SORCS3: variants seen among roughly 807,000 people sequenced by gnomAD.
The protein encoded by SORCS3 is sortilin related VPS10 domain containing receptor 3, also known as VPS10 domain-containing receptor SorCS3.
SORCS3 carries 57 observed loss-of-function variants against 146.3 expected under a neutral mutation model. The ratio of observed to expected loss-of-function variants is 0.39; its 90% CI spans 0.31 to 0.49. The LOEUF (loss-of-function observed/expected upper bound fraction) is 0.49, where lower values mean the gene tolerates loss of function less well. Among genes scored for constraint, SORCS3 ranks in the 20% least tolerant of loss-of-function variants. SORCS3 has a pLI of 0.92. For missense variants in SORCS3, 1,341 were observed against 1,575.5 expected (o/e 0.85, Z 2.52); for synonymous variants, 653 against 618.5 (o/e 1.06, Z -0.83).
chr10:105,252,642 T>C lies in SORCS3; in HGVS notation c.3106-133T>C, dbSNP rs539055830. 2.5e-5 allele frequency: 26 copies of C among 1,055,654 alleles called. No homozygotes were observed. The African/African-American group carries it at 2.9e-4, about 12-fold the overall frequency. The allele number at this position is 1,055,654 out of a possible 1,614,324, so 65.4% of individuals were successfully genotyped here. On this transcript the variant is annotated intron_variant, in intron 22 of 26. Transcript: ENST00000369701. ...AACTGAAAGAAAGCCTGAATGTATA[T>C]TGGAGCCTGTGCCTAAAAAGCTGCA...
chr10:104,686,440 C>T (rs781261747), intron 1 of SORCS3, among the ~76,000 whole-genome samples: 2 of 152,094 alleles, frequency 1.3e-5, no homozygotes, highest in African/African-American at 4.8e-5. Flanking sequence ...CTGCACCAGC[C>T]TCCTGGATAA....
intron 20 of SORCS3, among the ~76,000 whole-genome samples, chr10:105,231,272 CT>C (rs2119690233): frequency 6.6e-6 from 1 of 152,330 alleles, no homozygotes; most frequent in African/African-American, 2.4e-5. Context: ...GGTCAGCCAT[CT>C]TTAAACTCCT....
At chr10:105,079,164 G>T (rs557125674) in intron 5 of SORCS3, among the ~76,000 whole-genome samples, 1 of 152,326 alleles carries the variant, frequency 6.6e-6, no homozygotes, top group African/African-American at 2.4e-5. Flanking sequence ...GTGGAGCCCA[G>T]CATCGGTGTT....
chr10:105,054,846 A>T (rs1296878064), intron 5 of SORCS3, among the ~76,000 whole-genome samples: 1 of 152,154 alleles, frequency 6.6e-6, no homozygotes, highest in Non-Finnish European at 1.5e-5. Context: ...TCTGCAAAAT[A>T]CAACCAAATA....
At chr10:104,717,439 C>A (rs947559213) in intron 1 of SORCS3, among the ~76,000 whole-genome samples, 3 of 152,132 alleles carry the variant, frequency 2.0e-5, no homozygotes, top group African/African-American at 7.2e-5. Flanking sequence ...TTCTTCCTTT[C>A]CAGTCCCGGA....
chr10:105,253,371 T>C (rs1300781763), intron 23 of SORCS3, among the ~76,000 whole-genome samples: 4 of 152,210 alleles, frequency 2.6e-5, no homozygotes, highest in African/African-American at 9.6e-5. Flanking sequence ...CCTTCAAACA[T>C]GATTTTTTGG....
At chr10:104,910,093 A>C (rs1299032335) in intron 2 of SORCS3, among the ~76,000 whole-genome samples, 1 of 152,140 alleles carries the variant, frequency 6.6e-6, no homozygotes, top group African/African-American at 2.4e-5. Flanking sequence ...GATGCCATAG[A>C]ATAGTCCCAA....
chr10:105,097,733 T>C (rs1364952258), intron 6 of SORCS3, among the ~76,000 whole-genome samples: 1 of 152,160 alleles, frequency 6.6e-6, no homozygotes, highest in African/African-American at 2.4e-5. Flanking sequence ...TTCAGTTCAA[T>C]GAACAAAGCA....
At chr10:105,073,839 A>G (rs1049573162) in intron 5 of SORCS3, among the ~76,000 whole-genome samples, 3 of 152,186 alleles carry the variant, frequency 2.0e-5, no homozygotes, top group Middle Eastern at 3.2e-3. Flanking sequence ...ACAGGGAACC[A>G]CAGACGTTTA....
At chr10:104,977,907 T>A (rs2054910496) in intron 4 of SORCS3, among the ~76,000 whole-genome samples, 1 of 151,910 alleles carries the variant, frequency 6.6e-6, no homozygotes, top group Non-Finnish European at 1.5e-5. Context: ...AATTTTTGTA[T>A]TTTTAGTAGA....
chr10:105,259,984 T>G (rs2056951597), intron 25 of SORCS3, among the ~76,000 whole-genome samples: 1 of 152,200 alleles, frequency 6.6e-6, no homozygotes. Flanking sequence ...GAGTTCAGAC[T>G]TATATTCTCA....
intron 2 of SORCS3, among the ~76,000 whole-genome samples, chr10:104,884,358 C>A (rs890726256): frequency 3.3e-5 from 5 of 152,198 alleles, no homozygotes; most frequent in Admixed American, 2.0e-4. Context: ...AAAGTAAGAT[C>A]TAACCACTGA....
intron 2 of SORCS3, among the ~76,000 whole-genome samples, chr10:104,873,159 A>G (rs1407757590): frequency 6.6e-6 from 1 of 152,232 alleles, no homozygotes; most frequent in Non-Finnish European, 1.5e-5. Context: ...TTGTTTTCAA[A>G]GCTGGCAGAA....
intron 1 of SORCS3, among the ~76,000 whole-genome samples, chr10:104,829,118 A>T (rs1374309895): frequency 6.6e-6 from 1 of 152,220 alleles, no homozygotes; most frequent in African/African-American, 2.4e-5. Flanking sequence ...GAAGTGTGTT[A>T]TATCTCTGTT....
At chr10:105,148,552 G>A (rs2056148158) in intron 9 of SORCS3, among the ~76,000 whole-genome samples, 1 of 152,054 alleles carries the variant, frequency 6.6e-6, no homozygotes, top group South Asian at 2.1e-4. Flanking sequence ...GGATATGGAG[G>A]ATTGAGTTGA....
At chr10:104,732,896 C>A (rs1324835783) in intron 1 of SORCS3, among the ~76,000 whole-genome samples, 1 of 152,086 alleles carries the variant, frequency 6.6e-6, no homozygotes, top group Non-Finnish European at 1.5e-5. Flanking sequence ...TAGGCTCAGT[C>A]CTCAGGGGAG....
intron 1 of SORCS3, among the ~76,000 whole-genome samples, chr10:104,675,377 T>G (rs777540309): frequency 9.9e-5 from 15 of 152,242 alleles, no homozygotes; most frequent in Admixed American, 3.3e-4. Flanking sequence ...ATTGTAGATA[T>G]CTTCTTACAG....
chr10:104,756,742 G>T (rs980160577), intron 1 of SORCS3, among the ~76,000 whole-genome samples: 1 of 152,212 alleles, frequency 6.6e-6, no homozygotes, highest in African/African-American at 2.4e-5. Context: ...AGTGGTCAGG[G>T]TAACACTTTC....
chr10:104,681,523 G>A (rs1228003769), intron 1 of SORCS3, among the ~76,000 whole-genome samples: 1 of 152,170 alleles, frequency 6.6e-6, no homozygotes, highest in Non-Finnish European at 1.5e-5. Flanking sequence ...AACAGTTCAG[G>A]TTGATTTTGC....
Sources: allele counts gnomAD v4.1 joint callset (sites outside exome capture counted in the v4.1 genomes callset), GRCh38; gene constraint gnomAD v4.1.1; transcripts MANE v1.5; gene names NCBI Gene and HGNC (gene_info 2026-07-23, HGNC 2026-07-21).